Variants in ANAPC4 observed in about 807,000 individuals in gnomAD.
The protein encoded by ANAPC4 is anaphase-promoting complex subunit 4.
Under a neutral mutation model 119.8 loss-of-function variants are expected in ANAPC4, and 63 were observed. The ratio of observed to expected loss-of-function variants is 0.53; its 90% CI spans 0.43 to 0.65. The LOEUF is 0.65. Among genes scored for constraint, ANAPC4 ranks in the 30% least tolerant of loss-of-function variants. The probability of loss-of-function intolerance (pLI) is 0.00; values close to 1 mark genes in which losing one functional copy is unlikely to be tolerated. For synonymous variants in ANAPC4, 283 were observed against 318.6 expected (o/e 0.89, Z 1.19); for missense variants, 716 against 945.1 (o/e 0.76, Z 3.18).
At chr4:25,387,399 A>G (rs900187744) in intron 4 of ANAPC4, among the ~76,000 whole-genome samples, 38 of 152,366 alleles carry the variant, frequency 2.5e-4, no homozygotes, top group African/African-American at 9.1e-4. Context: ...GCCTGAAAGA[A>G]TTGGATGACA....
At position 25,392,373 on chromosome 4, in the gene ANAPC4, A is replaced by G; in HGVS notation, c.741A>G (p.Glu247=). Residue 247 remains glutamate, a synonymous_variant, in exon 10 of 29, where the codon GAA becomes GAG. Transcript: ENST00000315368. The part of the protein sequence containing the change: ...ETNLLYSFLP[E]VTRMARKFTH... ...ATCTGTTGTACTCTTTCTTACCTGA[A>G]GTAACTCGGATGGCCAGAAAGTTTA... 1 of 1,613,438 alleles carries G rather than the reference A, an allele frequency of 6.2e-7. No individual in the cohort carries two copies.
In ANAPC4 at chr4:25,415,521, A is replaced by G. The variant is rs1333249594; in HGVS notation, c.1882A>G (p.Thr628Ala). The G allele has an allele frequency of 6.2e-7, 1 of 1,613,160 alleles. No homozygotes were observed. The highest frequency in any genetic ancestry group is 1.7e-5 in the Admixed American group (1 of 59,932). ...ATTTGGGAGCTTTACATATGCCACA[A>G]CAGAAAAAGTCAGAAGAAGGTAAGT... ...IKFGSFTYATTEKVRRSIYSC... is the reference protein window; with the variant it reads ...IKFGSFTYATAEKVRRSIYSC... Residue 628 changes from threonine to alanine, a missense_variant, in exon 26 of 29, where the codon ACA becomes GCA. Coordinates refer to ENST00000315368, the MANE Select transcript of ANAPC4 (RefSeq NM_013367.3).
chr4:25,405,423 T>A lies in ANAPC4; in HGVS notation c.1271-150T>A. ...AAATTTAAGTTCTGGCACCCCTTAGTTTTTGGAAGAAAAATGTTTTTGTTG... is the reference window on the plus strand; with the variant it reads ...AAATTTAAGTTCTGGCACCCCTTAGATTTTGGAAGAAAAATGTTTTTGTTG... On this transcript the variant is annotated intron_variant, in intron 17 of 28. Transcript: ENST00000315368. This position sits in a 1 kb window ranked among gnomAD's most constrained non-coding sequence, Gnocchi z 4.6. 1.4e-6 allele frequency: 1 copy of A among 690,412 alleles called. No homozygotes were observed. The highest frequency in any genetic ancestry group is 2.7e-5 in the Admixed American group (1 of 36,634). The allele number at this position is 690,412 out of a possible 1,614,324, so 42.8% of individuals were successfully genotyped here. A position where few individuals can be genotyped will look rare whatever the true frequency, so the allele number is the denominator to read the frequency against.
At chr4:25,383,442 T>C (rs773928073) in intron 4 of ANAPC4, 49 bp downstream of exon 4, 1 of 1,487,848 alleles carries the variant, frequency 6.7e-7, no homozygotes, top group Non-Finnish European at 9.0e-7. Flanking sequence ...AGATTTTTAT[T>C]TTTTGAAATG....
intron 12 of ANAPC4, 133 bp from the exon 13 acceptor site, chr4:25,394,538 C>T (rs1461255588): frequency 9.3e-7 from 1 of 1,077,736 alleles, no homozygotes; most frequent in Non-Finnish European, 1.3e-6. Context: ...TGTGATGTTA[C>T]ATGCGTAGAA....
Position 25,391,005 on chromosome 4 carries a change from C to T in ANAPC4, c.695C>T (p.Ser232Leu). Residue 232 changes from serine (S) to leucine (L), a missense_variant, in exon 9 of 29, where the codon TCA (serine) becomes TTA (leucine). Ser to Leu is a moderately radical substitution (Grantham distance 145). Transcript: ENST00000315368. ...TCTACCAATGGTGCTTCAGAAGTTT[C>T]ATACTTTCAGGTGAGTATTGGAACT... ...EVSTNGASEV[S>L]YFQLETNLLY... 1 of 1,610,020 alleles carries T rather than the reference C, an allele frequency of 6.2e-7. No individual in the cohort carries two copies. Among genetic ancestry groups the T allele is most frequent in the Non-Finnish European group, 8.5e-7 (1 of 1,176,578 alleles).
chr4:25,417,808 A>G, intron 28 of ANAPC4, 69 bp downstream of exon 28: 5 of 1,540,302 alleles, frequency 3.2e-6, no homozygotes, highest in Non-Finnish European at 4.4e-6. Flanking sequence ...TGGAACCTTC[A>G]TCAAATACAT....
rs750492266 is a variant in ANAPC4, at chr4:25,386,948, AAAC to A, written c.369-1548_369-1546del. ...TAGACGAGATAAATGGTGAAATGGA[AAAC>A]AACCTCAATTTGCCAATCAGTAATT... is the stretch of plus-strand genomic sequence containing the variant. On this transcript the variant is annotated intron_variant, in intron 4 of 28. Transcript: ENST00000315368. 2.6e-5 allele frequency among the ~76,000 whole-genome samples: 4 copies of A among 152,218 alleles called. No individual in the cohort carries two copies. The East Asian group carries it at 5.8e-4, about 22-fold the overall frequency.
chr4:25,384,747 G>A (rs1721937007), intron 4 of ANAPC4, among the ~76,000 whole-genome samples: 1 of 151,182 alleles, frequency 6.6e-6, no homozygotes, highest in Admixed American at 6.6e-5. Context: ...AGGCCGCAGT[G>A]AGCCGTAACT....
intron 14 of ANAPC4, 136 bp from the exon 15 acceptor site, chr4:25,396,528 G>C: frequency 1.5e-6 from 1 of 682,822 alleles, no homozygotes; most frequent in Non-Finnish European, 2.4e-6. Context: ...GAACAGTTTT[G>C]AGAAATAATT....
At chr4:25,384,490 C>T (rs114524009) in intron 4 of ANAPC4, among the ~76,000 whole-genome samples, 2,046 of 152,280 alleles carry the variant, frequency 0.013, 54 homozygotes, top group African/African-American at 0.047. Flanking sequence ...AGAGCGATCG[C>T]TATGTCAGCT....
chr4:25,386,387 A>G (rs904124661), intron 4 of ANAPC4, among the ~76,000 whole-genome samples: 17 of 151,424 alleles, frequency 1.1e-4, no homozygotes, highest in African/African-American at 4.1e-4. Flanking sequence ...TAATTTTTAT[A>G]TTTTTAGTGG....
chr4:25,402,843 A>G (rs372165299), intron 16 of ANAPC4, 128 bp from the exon 17 acceptor site: 53 of 459,816 alleles, frequency 1.2e-4, no homozygotes, highest in African/African-American at 8.9e-4. Flanking sequence ...TGTTCTAAAG[A>G]CTTAAATGTC....
intron 10 of ANAPC4, among the ~76,000 whole-genome samples, 175 bp from the exon 11 acceptor site, chr4:25,393,630 C>G (rs1430751031): frequency 6.6e-6 from 1 of 152,064 alleles, no homozygotes; most frequent in Non-Finnish European, 1.5e-5. Context: ...TCACTGCACT[C>G]CAGCCTGGAC....
Position 25,400,006 on chromosome 4 carries a change from TAG to T in ANAPC4, c.1215-2962_1215-2961del, listed in dbSNP as rs1350930847. On this transcript the variant is annotated intron_variant, in intron 16 of 28. Transcript: ENST00000315368. ...AGCAAGGGAAACACCAAGAATAGAA[TAG>T]AGTCTTAGAATATTATTAGGATAGT... Among the ~76,000 whole-genome samples the T allele has an allele frequency of 2.0e-5, 3 of 152,108 alleles. No individual in the cohort carries two copies. In the East Asian group the frequency reaches 5.8e-4, roughly 29 times the overall value.
At chr4:25,415,207 T>C (rs763822361) in intron 25 of ANAPC4, 37 of 348,444 alleles carry the variant, frequency 1.1e-4, no homozygotes, top group African/African-American at 6.3e-4. Flanking sequence ...AAAATGGTTT[T>C]AAACCTGAAT....
rs548188336 is a variant in ANAPC4 at position 25,395,139 on chromosome 4, T to C, written c.1061+234T>C. On this transcript the variant is annotated intron_variant, in intron 14 of 28. Transcript: ENST00000315368. ...TTCACCAGGCTAGACTCTATCTGGG[T>C]TTTTTTCTTAATCAGCTAAGCATGA... 16 of 393,572 alleles carry C rather than the reference T, an allele frequency of 4.1e-5. No individual in the cohort carries two copies. In the Admixed American group the frequency reaches 6.5e-4, roughly 16 times the overall value. 24.4% of individuals were successfully genotyped at this position (393,572 alleles called of 1,614,324 possible). A position where few individuals can be genotyped will look rare whatever the true frequency, so the allele number is the denominator to read the frequency against.
chr4:25,390,535 A>C (rs1453513603), intron 8 of ANAPC4, among the ~76,000 whole-genome samples: 1 of 152,236 alleles, frequency 6.6e-6, no homozygotes, highest in African/African-American at 2.4e-5. Flanking sequence ...ATTGGAATGT[A>C]AATCTTCAGA....
chr4:25,413,939 G>GTGTT (rs1218922453), intron 22 of ANAPC4, 197 bp downstream of exon 22: 1 of 530,260 alleles, frequency 1.9e-6, no homozygotes, highest in African/African-American at 1.9e-5. Flanking sequence ...ACGTGTGTGT[G>GTGTT]TGTGTGTGTG....
Sources: gnomAD v4.1 joint callset for allele counts (sites outside exome capture counted in the v4.1 genomes callset) on GRCh38, gnomAD v4.1.1 for gene constraint, Gnocchi (gnomAD v3.1) non-coding constraint, MANE v1.5 for transcripts, NCBI Gene and HGNC (gene_info 2026-07-23, HGNC 2026-07-21) for gene names.